GLT8D1: variants seen among roughly 807,000 people sequenced by gnomAD.
GLT8D1 encodes the protein glycosyltransferase 8 domain containing 1.
GLT8D1 carries 41 observed loss-of-function variants against 46.2 expected under a neutral mutation model. The ratio of observed to expected loss-of-function variants is 0.89; its 90% CI spans 0.69 to 1.15. GLT8D1 has a LOEUF of 1.15. Among genes scored for constraint, GLT8D1 ranks in the 50% most tolerant of loss-of-function variants. GLT8D1 has a pLI of 0.00. For synonymous variants in GLT8D1, 150 were observed against 154.2 expected (o/e 0.97, Z 0.20); for missense variants, 408 against 449.3 (o/e 0.91, Z 0.83).
intron 1 of GLT8D1, among the ~76,000 whole-genome samples, chr3:52,704,373 C>T (rs181347654): frequency 5.1e-4 from 77 of 150,124 alleles, no homozygotes; most frequent in Non-Finnish European, 8.7e-4. Context: ...GCAGGACAAT[C>T]CCTTGAACCC....
rs1029230563 is a variant in GLT8D1, at chr3:52,694,685, C to T, written c.*160G>A. 1 of 670,282 alleles carries T rather than the reference C, an allele frequency of 1.5e-6. No individual in the cohort carries two copies. The highest frequency in any genetic ancestry group is 2.7e-6 in the Non-Finnish European group (1 of 367,982). The allele number at this position is 670,282 out of a possible 1,614,324, so 41.5% of individuals were successfully genotyped here. On this transcript the variant is annotated 3_prime_UTR_variant, in exon 10 of 10. Coordinates refer to ENST00000266014, the MANE Select transcript of GLT8D1 (RefSeq NM_018446.4). ...TATAGTCTATAGTCTGTCTGGGAAGCTGACTGCCAGACAGGGCAGTTTGTC... is the reference window on the plus strand; with the variant it reads ...TATAGTCTATAGTCTGTCTGGGAAGTTGACTGCCAGACAGGGCAGTTTGTC...
At chr3:52,700,414 A>C in intron 2 of GLT8D1, 31 bp downstream of exon 2, 2 of 1,595,514 alleles carry the variant, frequency 1.3e-6, no homozygotes, top group Non-Finnish European at 1.7e-6. Context: ...GACCAGGTAT[A>C]AAAACAACTT....
At chr3:52,696,841 G>C (rs924595961) in intron 4 of GLT8D1, among the ~76,000 whole-genome samples, 182 bp from the exon 5 acceptor site, 1 of 75,570 alleles carries the variant, frequency 1.3e-5, no homozygotes. Flanking sequence ...AATTAAGATT[G>C]TATGGTAATT....
intron 1 of GLT8D1, among the ~76,000 whole-genome samples, chr3:52,702,677 G>A (rs2097340302): frequency 6.6e-6 from 1 of 152,022 alleles, no homozygotes; most frequent in Non-Finnish European, 1.5e-5. Context: ...ACCAGCCTGA[G>A]CAACATAGTA....
At chr3:52,702,704 C>T (rs920511386) in intron 1 of GLT8D1, among the ~76,000 whole-genome samples, 2 of 152,126 alleles carry the variant, frequency 1.3e-5, no homozygotes, top group African/African-American at 4.8e-5. Flanking sequence ...TCCCCCAACC[C>T]CATATCTAAA....
chr3:52,695,845 T>G (rs2154100087), intron 7 of GLT8D1, 83 bp downstream of exon 7: 2 of 798,948 alleles, frequency 2.5e-6, no homozygotes, highest in Middle Eastern at 4.6e-4. Flanking sequence ...GAGTGTAAAT[T>G]GCAGCAAAAG....
chr3:52,695,086 C>T (rs1561261745), intron 9 of GLT8D1, 51 bp from the exon 10 acceptor site: 1 of 1,486,848 alleles, frequency 6.7e-7, no homozygotes. Context: ...TGAAATTGTG[C>T]AGAAAACTTA....
At chr3:52,697,339 C>T (rs780035566) in intron 4 of GLT8D1, among the ~76,000 whole-genome samples, 1 of 152,160 alleles carries the variant, frequency 6.6e-6, no homozygotes, top group Non-Finnish European at 1.5e-5. Flanking sequence ...ACTACCTTGC[C>T]ATTGTTGCTA....
Position 52,696,254 on chromosome 3 carries a change from T to G in GLT8D1, c.512A>C (p.Asp171Ala). The G allele has an allele frequency of 6.2e-7, 1 of 1,607,818 alleles. No homozygotes were observed. Among genetic ancestry groups the G allele is most frequent in the Non-Finnish European group, 8.5e-7 (1 of 1,174,198 alleles). The change falls in exon 6 of 10, where the codon GAT becomes GCT. Residue 171 changes from aspartate (D) to alanine (A), a missense_variant. Physicochemically the swap from Asp to Ala is moderately radical, Grantham distance 126 (BLOSUM62 -2). Coordinates refer to ENST00000266014, the MANE Select transcript of GLT8D1 (RefSeq NM_018446.4). ...VPSAKKAIYM[D>A]DDVIVQGDIL... ...GATACCTTGCACAATTACATCATCA[T>G]CCATGTATATGGCCTTCTTTGCGCT...
chr3:52,700,608 A>G, intron 1 of GLT8D1, 112 bp from the exon 2 acceptor site: 1 of 536,472 alleles, frequency 1.9e-6, no homozygotes. Flanking sequence ...AGGCATATAC[A>G]GTATTCCGCC....
chr3:52,696,190 C>G (rs1578586320), intron 6 of GLT8D1, 44 bp downstream of exon 6: 1 of 1,340,568 alleles, frequency 7.5e-7, no homozygotes, highest in East Asian at 2.3e-5. Context: ...GCAATTGTAC[C>G]CAATCTGGGT....
chr3:52,704,385 G>A (rs1343909857), intron 1 of GLT8D1, among the ~76,000 whole-genome samples: 1 of 148,772 alleles, frequency 6.7e-6, no homozygotes, highest in East Asian at 2.0e-4. Flanking sequence ...CTTGAACCCA[G>A]GAGGCGGAGG....
At chr3:52,698,651 A>G (rs1251852988) in intron 3 of GLT8D1, among the ~76,000 whole-genome samples, 1 of 152,008 alleles carries the variant, frequency 6.6e-6, no homozygotes, top group Non-Finnish European at 1.5e-5. Flanking sequence ...ACTGCACTCC[A>G]GCCTGGGCAG....
intron 3 of GLT8D1, among the ~76,000 whole-genome samples, chr3:52,698,276 TAGC>T (rs1443630160): frequency 1.3e-5 from 2 of 152,210 alleles, no homozygotes; most frequent in Admixed American, 1.3e-4. Context: ...TGTGAAAACT[TAGC>T]AGCAAACTAA....
intron 4 of GLT8D1, chr3:52,697,441 A>T: frequency 2.3e-6 from 1 of 426,304 alleles, no homozygotes; most frequent in Non-Finnish European, 4.4e-6. Context: ...TGCTCCCTTC[A>T]CTGAGAAAGT....
rs2097332938 is a variant in GLT8D1, at chr3:52,695,936, C to T, written c.637G>A (p.Gly213Arg). Residue 213 changes from glycine to arginine, a missense_variant, in exon 7 of 10, where the codon GGA becomes AGA. Coordinates refer to ENST00000266014, the MANE Select transcript of GLT8D1 (RefSeq NM_018446.4). ...ASTKVVIRGA[G>R]NQYNYIGYLD... ...TTTGGTAAGCAATTTACCTGGTTTC[C>T]TGCTCCACGGATGACAACTTTAGTA... The T allele has an allele frequency of 1.3e-6, 2 of 1,590,054 alleles. No homozygotes were observed. The highest frequency in any genetic ancestry group is 1.7e-6 in the Non-Finnish European group (2 of 1,158,348).
Position 52,696,630 on chromosome 3 carries a change from C to A in GLT8D1, c.359G>T (p.Ser120Ile). 6.2e-7 allele frequency: 1 copy of A among 1,606,506 alleles called. No individual in the cohort carries two copies. Among genetic ancestry groups the A allele is most frequent in the Non-Finnish European group, 8.5e-7 (1 of 1,173,090 alleles). The change falls in exon 5 of 10, where the codon AGC becomes ATC. Residue 120 changes from serine to isoleucine, a missense_variant. Physicochemically the swap from Ser to Ile is moderately radical, Grantham distance 142 (BLOSUM62 -2). Coordinates refer to ENST00000266014, the MANE Select transcript of GLT8D1 (RefSeq NM_018446.4). ...RSWLNSDSLK[S>I]IRYKIVNFDP... The stretch of plus-strand genomic sequence containing the variant: ...AAAATTGACAATTTTGTATCTGATG[C>A]TTTTCAGGGAATCACTGTTGAGCCA...
At chr3:52,704,704 A>G (rs1053605119) in intron 1 of GLT8D1, 1 of 152,258 alleles carries the variant, frequency 6.6e-6, no homozygotes, top group Non-Finnish European at 1.5e-5. Flanking sequence ...CACTGAGGAT[A>G]TACAAACACT....
rs778557312 is a variant in GLT8D1 at position 52,696,052 on chromosome 3, A to G, written c.533-12T>C. 4.7e-5 allele frequency: 71 copies of G among 1,504,818 alleles called. No homozygotes were observed. Among genetic ancestry groups the G allele is most frequent in the Non-Finnish European group, 5.1e-5 (55 of 1,080,968 alleles). The allele number at this position is 1,504,818 out of a possible 1,614,324, so 93.2% of individuals were successfully genotyped here. On this transcript the variant is annotated splice_polypyrimidine_tract_variant and intron_variant, in intron 6 of 9. Coordinates refer to ENST00000266014, the MANE Select transcript of GLT8D1 (RefSeq NM_018446.4). ...GGCAAGAATATCACCTGAAATAGAC[A>G]AGATGTTAAGATTTACATTTCCGTT...
Sources: gnomAD v4.1 joint callset for allele counts (sites outside exome capture counted in the v4.1 genomes callset) on GRCh38, gnomAD v4.1.1 for gene constraint, MANE v1.5 for transcripts, NCBI Gene and HGNC (gene_info 2026-07-23, HGNC 2026-07-21) for gene names.